Variants in TMOD1 observed in about 807,000 individuals in gnomAD.
TMOD1 encodes the protein tropomodulin 1, also known as tropomodulin-1.
TMOD1 carries 17 observed loss-of-function variants against 40.6 expected under a neutral mutation model. The observed-to-expected ratio is 0.42, with a 90% CI of 0.29 to 0.63. TMOD1 has a LOEUF of 0.63. TMOD1 is among the 20% of genes least tolerant of loss of function. The pLI is 0.22. For missense variants in TMOD1, 391 were observed against 447.6 expected, an observed-to-expected ratio of 0.87 and a Z score of 1.14; for synonymous variants, 181 against 175.0, an observed-to-expected ratio of 1.03 and a Z score of -0.27.
chr9:97,540,485 T>C (rs1830260905), intron 2 of TMOD1, among the ~76,000 whole-genome samples: 1 of 152,186 alleles, frequency 6.6e-6, no homozygotes, highest in African/African-American at 2.4e-5. Flanking sequence ...CTGTCTCCAA[T>C]TATAGTCACT....
chr9:97,569,076 T>A (rs748723245), intron 8 of TMOD1, 39 bp downstream of exon 8: 1 of 1,606,590 alleles, frequency 6.2e-7, no homozygotes, highest in Non-Finnish European at 8.5e-7. Context: ...TGTTACTACA[T>A]GCAGCTCGCT....
chr9:97,568,851 C>T (rs751421602), intron 7 of TMOD1, 43 bp from the exon 8 acceptor site: 19 of 1,607,630 alleles, frequency 1.2e-5, no homozygotes, highest in East Asian at 6.7e-5. Flanking sequence ...CAGCCTTGCT[C>T]GGGGTGACTC....
At chr9:97,545,010 CAAA>C (rs3052089) in intron 2 of TMOD1, among the ~76,000 whole-genome samples, 1 of 82,936 alleles carries the variant, frequency 1.2e-5, no homozygotes, top group Non-Finnish European at 2.6e-5. Context: ...GAGTCCATCT[CAAA>C]AAAAAAAAAA....
intron 8 of TMOD1, among the ~76,000 whole-genome samples, chr9:97,573,372 T>C (rs1437214483): frequency 6.6e-6 from 1 of 152,166 alleles, no homozygotes; most frequent in African/African-American, 2.4e-5. Flanking sequence ...TATTTGACAA[T>C]GAGGATGTGC....
At chr9:97,539,105 A>T (rs913102526) in intron 2 of TMOD1, among the ~76,000 whole-genome samples, 8 of 152,268 alleles carry the variant, frequency 5.3e-5, no homozygotes, top group African/African-American at 1.9e-4. Context: ...TTCACCTCTC[A>T]TCTCCCTGGT....
intron 2 of TMOD1, among the ~76,000 whole-genome samples, chr9:97,532,619 A>T (rs1053243184): frequency 2.1e-5 from 3 of 142,310 alleles, no homozygotes; most frequent in East Asian, 4.0e-4. Flanking sequence ...GATCATTCTT[A>T]AAAAAAAAAA....
At chr9:97,591,530 G>A (rs1826001859) in intron 9 of TMOD1, 95 bp downstream of exon 9, 2 of 1,388,550 alleles carry the variant, frequency 1.4e-6, no homozygotes, top group Admixed American at 2.2e-5. Flanking sequence ...ATGCCTCTCC[G>A]AGTCTTCTTG....
chr9:97,574,017 A>G (rs1333648329), intron 8 of TMOD1, among the ~76,000 whole-genome samples: 1 of 152,166 alleles, frequency 6.6e-6, no homozygotes, highest in Non-Finnish European at 1.5e-5. Flanking sequence ...ACAGGAGTTG[A>G]CCAGAAAGAC....
chr9:97,504,997 C>T (rs560005065), intron 1 of TMOD1, among the ~76,000 whole-genome samples: 3 of 152,290 alleles, frequency 2.0e-5, no homozygotes, highest in South Asian at 2.1e-4. Context: ...AGCACAATTC[C>T]GGGCCATTTC....
intron 4 of TMOD1, among the ~76,000 whole-genome samples, chr9:97,554,505 C>T (rs919222130): frequency 1.4e-5 from 2 of 146,002 alleles, no homozygotes; most frequent in African/African-American, 5.1e-5. Context: ...TGTCAAGCTC[C>T]AGAAAGAATA....
intron 4 of TMOD1, chr9:97,555,291 G>C (rs62560476): frequency 0.2 from 195,016 of 966,326 alleles, 20,770 homozygotes; most frequent in South Asian, 0.3. Flanking sequence ...CAGGGAGGTG[G>C]CTGATGCCTT....
chr9:97,559,491 C>T (rs1038948678), intron 4 of TMOD1, among the ~76,000 whole-genome samples: 1 of 150,900 alleles, frequency 6.6e-6, no homozygotes, highest in Admixed American at 6.6e-5. Flanking sequence ...ATCGGCCGGG[C>T]GTGGTGGCTC....
intron 8 of TMOD1, among the ~76,000 whole-genome samples, chr9:97,583,880 A>T: frequency 6.8e-6 from 1 of 147,348 alleles, no homozygotes; most frequent in Non-Finnish European, 1.5e-5. Context: ...CGTCTATTTG[A>T]TTCTTCTCTC....
At position 97,601,014 on chromosome 9, in the gene TMOD1, T is replaced by C. The variant is rs1587972127; in HGVS notation, c.*1316T>C. 6 of 1,288,306 alleles carry C rather than the reference T, an allele frequency of 4.7e-6. No homozygotes were observed. The Admixed American group carries it at 9.6e-5, about 21-fold the overall frequency. 79.8% of individuals were successfully genotyped at this position (1,288,306 alleles called of 1,614,324 possible). A position where few individuals can be genotyped will look rare whatever the true frequency, so the allele number is the denominator to read the frequency against. On this transcript the variant is annotated 3_prime_UTR_variant, in exon 10 of 10. Coordinates refer to ENST00000259365, the MANE Select transcript of TMOD1 (RefSeq NM_003275.4). ...CCAGAGCACTGAGCAGAGAGGCTGG[T>C]GATGAAAAGGTGAAGGCCTGCGCAC...
intron 8 of TMOD1, among the ~76,000 whole-genome samples, chr9:97,570,579 T>C (rs180871652): frequency 1.3e-5 from 2 of 152,246 alleles, no homozygotes; most frequent in East Asian, 3.9e-4. Flanking sequence ...TAGTCTGCCA[T>C]AGCTCCTCCA....
intron 6 of TMOD1, 62 bp from the exon 7 acceptor site, chr9:97,565,786 C>T (rs1830717798): frequency 4.5e-6 from 6 of 1,339,716 alleles, no homozygotes; most frequent in Non-Finnish European, 6.4e-6. Flanking sequence ...GCTAATCCAC[C>T]TGCCTCAGCC....
chr9:97,565,791 T>A, intron 6 of TMOD1, 57 bp from the exon 7 acceptor site: 1 of 1,439,220 alleles, frequency 6.9e-7, no homozygotes. Flanking sequence ...TCCACCTGCC[T>A]CAGCCTGTCC....
intron 1 of TMOD1, among the ~76,000 whole-genome samples, chr9:97,519,679 G>A (rs1829884032): frequency 6.6e-6 from 1 of 152,180 alleles, no homozygotes; most frequent in Non-Finnish European, 1.5e-5. Context: ...CCTAGACCAG[G>A]ACCCAGAGGT....
rs1318294340 is a variant in TMOD1, at chr9:97,599,762, G to C, written c.*64G>C. 5.0e-6 allele frequency: 8 copies of C among 1,610,532 alleles called. No homozygotes were observed. Among genetic ancestry groups the C allele is most frequent in the African/African-American group, 1.3e-5 (1 of 74,852 alleles). On this transcript the variant is annotated 3_prime_UTR_variant, in exon 10 of 10. Transcript: ENST00000259365. ...TTCTATTGATGACCTGTGCTCTGCA[G>C]GGGAAACCAGAAGGCAAAATGCTGG... is the stretch of plus-strand genomic sequence containing the variant.
Sources: gnomAD v4.1 joint callset for allele counts (sites outside exome capture counted in the v4.1 genomes callset) on GRCh38, gnomAD v4.1.1 for gene constraint, MANE v1.5 for transcripts, NCBI Gene and HGNC (gene_info 2026-07-23, HGNC 2026-07-21) for gene names.